The following DLG2 variants were observed in gnomAD, a reference collection of about 807,000 sequenced individuals.
DLG2 encodes disks large homolog 2.
Under a neutral mutation model 132.5 loss-of-function variants are expected in DLG2, and 45 were observed. That is an observed-to-expected ratio of 0.34 (90% CI 0.27 to 0.44). DLG2 has a LOEUF of 0.44. DLG2 is among the 20% of genes least tolerant of loss of function. The pLI is 1.00. For synonymous variants in DLG2, 424 were observed against 419.6 expected (o/e 1.01, Z -0.13); for missense variants, 1,045 against 1,196.9 (o/e 0.87, Z 1.87).
At chr11:83,589,942 T>C (rs2097158168) in intron 19 of DLG2, among the ~76,000 whole-genome samples, 2 of 143,300 alleles carry the variant, frequency 1.4e-5, no homozygotes, top group Non-Finnish European at 1.5e-5. Context: ...AAGAGCTAAC[T>C]ATCCTAAATA....
chr11:85,423,039 TG>T (rs1055126509), intron 3 of DLG2, among the ~76,000 whole-genome samples: 3 of 152,102 alleles, frequency 2.0e-5, no homozygotes, highest in African/African-American at 7.2e-5. Context: ...TTACTAGAGT[TG>T]GTTTTTTGGT....
chr11:83,511,087 GAC>G (rs60156321), intron 21 of DLG2, among the ~76,000 whole-genome samples: 2,254 of 138,438 alleles, frequency 0.016, 41 homozygotes, highest in African/African-American at 0.046. Context: ...CACACACACA[GAC>G]ACACACACAC....
chr11:85,287,070 G>C (rs927878487), intron 3 of DLG2, among the ~76,000 whole-genome samples: 1 of 152,068 alleles, frequency 6.6e-6, no homozygotes, highest in African/African-American at 2.4e-5. Flanking sequence ...GATTACAAAA[G>C]GGTAAGAGGA....
intron 7 of DLG2, among the ~76,000 whole-genome samples, chr11:84,283,842 A>G (rs1394590102): frequency 6.6e-6 from 1 of 152,206 alleles, no homozygotes; most frequent in Non-Finnish European, 1.5e-5. Context: ...GCCTAAATAG[A>G]TAAAAGCTAA....
intron 7 of DLG2, among the ~76,000 whole-genome samples, chr11:84,511,286 A>G (rs1458470009): frequency 2.6e-5 from 4 of 152,064 alleles, no homozygotes; most frequent in South Asian, 4.1e-4. Flanking sequence ...TCTTACTTCA[A>G]TTTAATATAG....
At chr11:83,581,893 T>A (rs1178710372) in intron 19 of DLG2, among the ~76,000 whole-genome samples, 1 of 151,570 alleles carries the variant, frequency 6.6e-6, no homozygotes, top group African/African-American at 2.4e-5. Context: ...GGTTCCCATA[T>A]TTCCTTCTAC....
At chr11:85,573,476 G>T (rs1338286033) in intron 3 of DLG2, among the ~76,000 whole-genome samples, 1 of 152,140 alleles carries the variant, frequency 6.6e-6, no homozygotes, top group Non-Finnish European at 1.5e-5. Flanking sequence ...AGAGTGTAAG[G>T]CACTGTGATA....
intron 6 of DLG2, among the ~76,000 whole-genome samples, chr11:84,986,296 G>C (rs1468892540): frequency 6.6e-6 from 1 of 151,966 alleles, no homozygotes; most frequent in Non-Finnish European, 1.5e-5. Flanking sequence ...CAGCGAGATT[G>C]AAATGGTAAT....
intron 4 of DLG2, among the ~76,000 whole-genome samples, chr11:85,260,878 T>C (rs1296987742): frequency 6.6e-6 from 1 of 152,200 alleles, no homozygotes; most frequent in Non-Finnish European, 1.5e-5. Context: ...AATCTCTTCA[T>C]GGTAGACACA....
rs534165225 is a variant in DLG2 at position 83,743,336 on chromosome 11, T to C, written c.1825+43354A>G. 2.2e-3 allele frequency among the ~76,000 whole-genome samples: 331 copies of C among 152,010 alleles called. 1 individual carries two copies. The highest frequency in any genetic ancestry group is 7.7e-3 in the African/African-American group (320 of 41,400). On this transcript the variant is annotated intron_variant, in intron 18 of 27. Transcript: ENST00000376104. ...ACTGCAGAAATATCTCTTCAATCCA[T>C]TGTCTTCTTTTTCTATGCCCTAAGC...
intron 3 of DLG2, among the ~76,000 whole-genome samples, chr11:85,550,467 T>C (rs1251574684): frequency 6.6e-6 from 1 of 152,064 alleles, no homozygotes; most frequent in African/African-American, 2.4e-5. Context: ...CTGCAAGGGG[T>C]GGAATGCAGC....
intron 7 of DLG2, among the ~76,000 whole-genome samples, chr11:84,311,229 T>C (rs568874180): frequency 6.6e-5 from 10 of 152,210 alleles, no homozygotes; most frequent in Admixed American, 1.3e-4. Flanking sequence ...TAAATTCTAA[T>C]GAAAGAGCAC....
intron 7 of DLG2, among the ~76,000 whole-genome samples, chr11:84,409,610 T>C (rs551897581): frequency 3.3e-4 from 50 of 152,340 alleles, no homozygotes; most frequent in Middle Eastern, 3.4e-3. Flanking sequence ...CAATAAGCTT[T>C]ATGTAAACTG....
chr11:85,606,411 A>G lies in DLG2; in HGVS notation c.-92-7623T>C, dbSNP rs753959343. Among the ~76,000 whole-genome samples, 31 of 152,186 alleles carry G rather than the reference A, an allele frequency of 2.0e-4. 1 individual carries two copies. The highest frequency in any genetic ancestry group is 1.3e-3 in the Admixed American group (20 of 15,272). Reference sequence around the variant, plus strand: ...TAGCTAAAGGATTGTAAATGCACCAATCAGTGCTCTGTGTCTAGCTAAAGG... The same window carrying G: ...TAGCTAAAGGATTGTAAATGCACCAGTCAGTGCTCTGTGTCTAGCTAAAGG... On this transcript the variant is annotated intron_variant, in intron 2 of 27. Coordinates refer to ENST00000376104, the MANE Select transcript of DLG2 (RefSeq NM_001142699.3).
intron 3 of DLG2, among the ~76,000 whole-genome samples, chr11:85,422,213 T>G (rs1029159063): frequency 1.3e-5 from 2 of 152,232 alleles, no homozygotes; most frequent in African/African-American, 4.8e-5. Context: ...TGTGCTTACC[T>G]GTATTTGGAT....
chr11:83,943,807 G>A (rs904102809), intron 14 of DLG2, among the ~76,000 whole-genome samples: 6 of 152,186 alleles, frequency 3.9e-5, no homozygotes, highest in Admixed American at 6.5e-5. Flanking sequence ...TGGAAAGAGC[G>A]CAAGCTTTTG....
At chr11:85,472,235 T>C (rs1000038365) in intron 3 of DLG2, among the ~76,000 whole-genome samples, 78 of 152,180 alleles carry the variant, frequency 5.1e-4, no homozygotes, top group African/African-American at 1.6e-3. Flanking sequence ...CTCAGCCACA[T>C]GCTGGGACTA....
Position 83,459,726 on chromosome 11 carries a change from C to T in DLG2, c.*92G>A. Reference sequence around the variant, plus strand: ...CACATTGACTGCAAAAACATAAATGCAACAAAAACATAAAAGCCTCCAAGT... The same window carrying T: ...CACATTGACTGCAAAAACATAAATGTAACAAAAACATAAAAGCCTCCAAGT... On this transcript the variant is annotated 3_prime_UTR_variant, in exon 28 of 28. Transcript: ENST00000376104. The T allele has an allele frequency of 1.5e-6, 1 of 687,810 alleles. No homozygotes were observed. Among genetic ancestry groups the T allele is most frequent in the East Asian group, 2.6e-5 (1 of 38,284 alleles). The allele number at this position is 687,810 out of a possible 1,614,324, so 42.6% of individuals were successfully genotyped here.
At chr11:84,391,665 T>C (rs532614409) in intron 7 of DLG2, among the ~76,000 whole-genome samples, 29 of 152,232 alleles carry the variant, frequency 1.9e-4, no homozygotes, top group African/African-American at 7.0e-4. Context: ...TTTAATAGTA[T>C]CACTACAGCT....
Sources: allele counts gnomAD v4.1 joint callset (sites outside exome capture counted in the v4.1 genomes callset), GRCh38; gene constraint gnomAD v4.1.1; transcripts MANE v1.5; gene names NCBI Gene and HGNC (gene_info 2026-07-23, HGNC 2026-07-21).